MIOS: variants seen among roughly 807,000 people sequenced by gnomAD.
The protein encoded by MIOS is meiosis regulator for oocyte development, also known as GATOR2 complex protein MIOS.
Under a neutral mutation model 96.9 loss-of-function variants are expected in MIOS, and 52 were observed. The ratio of observed to expected loss-of-function variants is 0.54; its 90% CI spans 0.43 to 0.68. The LOEUF is 0.68. Among genes scored for constraint, MIOS ranks in the 30% least tolerant of loss-of-function variants. The pLI is 0.00. For missense variants in MIOS, 1,005 were observed against 1,052.8 expected, an observed-to-expected ratio of 0.95 and a Z score of 0.63; for synonymous variants, 397 against 359.5, an observed-to-expected ratio of 1.10 and a Z score of -1.18.
rs1784570246 is a variant in MIOS, at chr7:7,607,721, C to G, written c.*629C>G. On this transcript the variant is annotated 3_prime_UTR_variant, in exon 13 of 13. Transcript: ENST00000340080. ...TTCCCTCCTTTGATTTTAAGATAAGCAATCTTTTGGCATAACATTATCGTC... is the reference window on the plus strand; with the variant it reads ...TTCCCTCCTTTGATTTTAAGATAAGGAATCTTTTGGCATAACATTATCGTC... 1 of 151,964 alleles carries G rather than the reference C, an allele frequency of 6.6e-6. No homozygotes were observed. The highest frequency in any genetic ancestry group is 6.6e-5 in the Admixed American group (1 of 15,238). The allele number at this position is 151,964 out of a possible 1,614,324, so 9.4% of individuals were successfully genotyped here. A position where few individuals can be genotyped will look rare whatever the true frequency, so the allele number is the denominator to read the frequency against.
intron 5 of MIOS, among the ~76,000 whole-genome samples, chr7:7,576,135 A>G (rs950096034): frequency 6.6e-6 from 1 of 152,204 alleles, no homozygotes; most frequent in Admixed American, 6.5e-5. Context: ...TAGTATATAT[A>G]TAAGTGCTTG....
chr7:7,588,765 T>A (rs1783963281), intron 8 of MIOS, among the ~76,000 whole-genome samples: 1 of 152,168 alleles, frequency 6.6e-6, no homozygotes, highest in Non-Finnish European at 1.5e-5. Context: ...GACAATATTT[T>A]AGTATATTTC....
intron 5 of MIOS, among the ~76,000 whole-genome samples, chr7:7,580,696 T>TC (rs920186527): frequency 1.4e-5 from 2 of 147,198 alleles, no homozygotes; most frequent in Admixed American, 6.8e-5. Context: ...TATTTTACCT[T>TC]TTTTTTTTTT....
chr7:7,594,930 C>T, intron 9 of MIOS, 50 bp from the exon 10 acceptor site: 6 of 1,455,212 alleles, frequency 4.1e-6, no homozygotes, highest in Non-Finnish European at 4.6e-6. Context: ...AAGTCTCTGG[C>T]CTAGCCAGGA....
chr7:7,573,994 C>A lies in MIOS; in HGVS notation c.1295-104C>A. ...TATCTCTGCAATAGAGTCGAACCAC[C>A]TTATTTACACTGATACTTATTATGA... On this transcript the variant is annotated intron_variant, in intron 4 of 12. Coordinates refer to ENST00000340080, the MANE Select transcript of MIOS (RefSeq NM_019005.4). The surrounding 1 kb of genome is among the most constrained non-coding windows in gnomAD (Gnocchi z 5.0). The A allele has an allele frequency of 1.0e-6, 1 of 981,762 alleles. No homozygotes were observed. Among genetic ancestry groups the A allele is most frequent in the Non-Finnish European group, 1.5e-6 (1 of 672,646 alleles). The allele number at this position is 981,762 out of a possible 1,614,324, so 60.8% of individuals were successfully genotyped here.
At chr7:7,586,199 TAAATA>T (rs1783882944) in intron 7 of MIOS, among the ~76,000 whole-genome samples, 1 of 149,960 alleles carries the variant, frequency 6.7e-6, no homozygotes, top group African/African-American at 2.5e-5. Context: ...TGTGTGTAGT[TAAATA>T]AAACAACTCA....
intron 5 of MIOS, among the ~76,000 whole-genome samples, chr7:7,577,326 C>T (rs988037743): frequency 6.6e-6 from 1 of 152,124 alleles, no homozygotes; most frequent in African/African-American, 2.4e-5. Flanking sequence ...AGGAGAAGGT[C>T]TTTCACTGGC....
At chr7:7,582,863 C>A in intron 5 of MIOS, 1 of 373,894 alleles carries the variant, frequency 2.7e-6, no homozygotes, top group Non-Finnish European at 4.5e-6. Flanking sequence ...GATTAGGTGG[C>A]CAGGCAGTAA....
rs997893222 is a variant in MIOS, at chr7:7,605,873, G to C, written c.2402-69G>C. ...ATATTTGGAACACAGTTTTAGAAATGCTTTTTGAAAGTAACTTTAAATAAA... is the reference window on the plus strand; with the variant it reads ...ATATTTGGAACACAGTTTTAGAAATCCTTTTTGAAAGTAACTTTAAATAAA... On this transcript the variant is annotated intron_variant, in intron 11 of 12. Transcript: ENST00000340080. The C allele has an allele frequency of 2.2e-5, 32 of 1,435,916 alleles. No individual in the cohort carries two copies. In the African/African-American group the frequency reaches 3.9e-4, roughly 17 times the overall value. The allele number at this position is 1,435,916 out of a possible 1,614,324, so 88.9% of individuals were successfully genotyped here.
At chr7:7,568,211 A>G (rs1417487786) in intron 3 of MIOS, 88 bp downstream of exon 3, 1 of 152,204 alleles carries the variant, frequency 6.6e-6, no homozygotes, top group Non-Finnish European at 1.5e-5. Flanking sequence ...TGGAAAAAAC[A>G]TTAACTTTCA....
At chr7:7,586,205 A>G (rs1373212131) in intron 7 of MIOS, among the ~76,000 whole-genome samples, 3 of 150,778 alleles carry the variant, frequency 2.0e-5, no homozygotes, top group Non-Finnish European at 4.4e-5. Context: ...TAGTTAAATA[A>G]AACAACTCAC....
intron 7 of MIOS, 52 bp downstream of exon 7, chr7:7,585,857 T>TA (rs760883284): frequency 1.4e-5 from 19 of 1,403,558 alleles, no homozygotes; most frequent in Non-Finnish European, 1.8e-5. Context: ...TAGGAGTTTT[T>TA]ATCTAACTTT....
rs570146028 is a variant in MIOS, at chr7:7,604,102, A to T, written c.2402-1840A>T. 1.6e-3 allele frequency among the ~76,000 whole-genome samples: 246 copies of T among 152,200 alleles called. 2 individuals are homozygous for T. The highest frequency in any genetic ancestry group is 5.6e-3 in the African/African-American group (234 of 41,526). On this transcript the variant is annotated intron_variant, in intron 11 of 12. Transcript: ENST00000340080. ...AGGGGGAGGGATAGCATTAGGAGAT[A>T]TACCTAATGCTAAATGACGAGTTAA...
At chr7:7,568,705 G>GT (rs1640970330) in intron 3 of MIOS, among the ~76,000 whole-genome samples, 1 of 152,198 alleles carries the variant, frequency 6.6e-6, no homozygotes, top group Non-Finnish European at 1.5e-5. Context: ...TCGTGTAGCT[G>GT]ATCCTTTTCT....
intron 5 of MIOS, among the ~76,000 whole-genome samples, chr7:7,575,726 A>G (rs1377077198): frequency 1.3e-5 from 2 of 152,196 alleles, no homozygotes. Flanking sequence ...AGGAAAAGCA[A>G]AAGGGGAAAA....
At chr7:7,599,266 A>G (rs1200677490) in intron 11 of MIOS, among the ~76,000 whole-genome samples, 1 of 152,196 alleles carries the variant, frequency 6.6e-6, no homozygotes, top group East Asian at 1.9e-4. Context: ...GTGAATATTC[A>G]TCTTTCACTA....
At chr7:7,578,513 A>T (rs1043138144) in intron 5 of MIOS, among the ~76,000 whole-genome samples, 1 of 152,154 alleles carries the variant, frequency 6.6e-6, no homozygotes, top group Non-Finnish European at 1.5e-5. Context: ...AAAACAAACA[A>T]ACAAAAAGGT....
intron 7 of MIOS, among the ~76,000 whole-genome samples, 194 bp downstream of exon 7, chr7:7,585,999 T>C (rs770006420): frequency 1.3e-5 from 2 of 152,178 alleles, no homozygotes; most frequent in African/African-American, 2.4e-5. Context: ...GTTAGTTAAC[T>C]GATACCAAAC....
chr7:7,581,555 A>G (rs1783725403), intron 5 of MIOS, among the ~76,000 whole-genome samples: 1 of 152,058 alleles, frequency 6.6e-6, no homozygotes, highest in African/African-American at 2.4e-5. Flanking sequence ...GTATCAGCCA[A>G]ATTGTATTTA....
Sources: allele counts gnomAD v4.1 joint callset (sites outside exome capture counted in the v4.1 genomes callset), GRCh38; gene constraint gnomAD v4.1.1; non-coding constraint Gnocchi (gnomAD v3.1); transcripts MANE v1.5; gene names NCBI Gene and HGNC (gene_info 2026-07-23, HGNC 2026-07-21).